The following CEP128 variants were observed in gnomAD, a reference collection of about 807,000 sequenced individuals.
CEP128 encodes centrosomal protein 128kDa.
In CEP128, 132 loss-of-function variants were observed where a neutral mutation model predicts 156.7. The observed-to-expected ratio is 0.84, with a 90% CI of 0.73 to 0.97. The LOEUF (loss-of-function observed/expected upper bound fraction) is 0.97, where lower values mean the gene tolerates loss of function less well. Among genes scored for constraint, CEP128 ranks in the 50% least tolerant of loss-of-function variants. The pLI, the probability that CEP128 is intolerant of heterozygous loss-of-function variation, is 0.00. For synonymous variants in CEP128, 469 were observed against 448.9 expected, an observed-to-expected ratio of 1.04 and a Z score of -0.57; for missense variants, 1,252 against 1,281.9, an observed-to-expected ratio of 0.98 and a Z score of 0.36.
intron 19 of CEP128, among the ~76,000 whole-genome samples, chr14:80,653,930 T>G: frequency 6.6e-6 from 1 of 152,090 alleles, no homozygotes; most frequent in East Asian, 1.9e-4. Flanking sequence ...TTCATGAAAC[T>G]TTTGGGTCAG....
At chr14:80,885,633 T>A (rs767646774) in intron 8 of CEP128, among the ~76,000 whole-genome samples, 1 of 152,020 alleles carries the variant, frequency 6.6e-6, no homozygotes, top group Non-Finnish European at 1.5e-5. Context: ...GCCATCAGCA[T>A]CAAAGATCAA....
chr14:80,860,676 C>A (rs1227145332), intron 9 of CEP128, among the ~76,000 whole-genome samples: 2 of 151,706 alleles, frequency 1.3e-5, no homozygotes, highest in Non-Finnish European at 2.9e-5. Context: ...AACATATCCT[C>A]TTCAAAGTAA....
chr14:80,895,796 AAG>A lies in CEP128; in HGVS notation c.573-8_573-7del. 1.4e-6 allele frequency: 2 copies of A among 1,459,964 alleles called. No individual in the cohort carries two copies. Among genetic ancestry groups the A allele is most frequent in the Non-Finnish European group, 1.8e-6 (2 of 1,114,788 alleles). The allele number at this position is 1,459,964 out of a possible 1,614,324, so 90.4% of individuals were successfully genotyped here. On this transcript the variant is annotated splice_region_variant and splice_polypyrimidine_tract_variant and intron_variant, in intron 7 of 24. Coordinates refer to ENST00000555265, the MANE Select transcript of CEP128 (RefSeq NM_152446.5). ...TTTTTGTTTCGGCATCTGACCTAGG[AAG>A]AAAAAAAAAAAAAAGATTTAAATTT...
intron 19 of CEP128, among the ~76,000 whole-genome samples, chr14:80,620,111 G>A (rs1012731227): frequency 2.0e-5 from 3 of 152,070 alleles, no homozygotes; most frequent in African/African-American, 7.2e-5. Context: ...GATGACAAGA[G>A]CAAAACTCCG....
intron 6 of CEP128, among the ~76,000 whole-genome samples, chr14:80,903,409 T>C (rs886224557): frequency 6.6e-6 from 1 of 151,936 alleles, no homozygotes; most frequent in Non-Finnish European, 1.5e-5. Flanking sequence ...GAAGAAAACA[T>C]AGGCAAAAAG....
intron 23 of CEP128, among the ~76,000 whole-genome samples, chr14:80,518,966 T>C (rs1280571088): frequency 1.3e-5 from 2 of 152,250 alleles, no homozygotes; most frequent in Non-Finnish European, 2.9e-5. Context: ...AATTAATTTG[T>C]GGAACTTCTA....
intron 13 of CEP128, among the ~76,000 whole-genome samples, chr14:80,827,040 C>T: frequency 6.6e-6 from 1 of 152,042 alleles, no homozygotes; most frequent in South Asian, 2.1e-4. Flanking sequence ...AATGTAGCTT[C>T]CTTCCATTGT....
chr14:80,849,597 T>C (rs934254497), intron 9 of CEP128, among the ~76,000 whole-genome samples: 5 of 152,190 alleles, frequency 3.3e-5, no homozygotes, highest in African/African-American at 1.2e-4. Context: ...TTTTCATTTT[T>C]TGAGCAATGA....
At chr14:80,868,725 T>C (rs1887890472) in intron 8 of CEP128, among the ~76,000 whole-genome samples, 1 of 152,006 alleles carries the variant, frequency 6.6e-6, no homozygotes, top group South Asian at 2.1e-4. Context: ...CTTTTTCTAA[T>C]GACCCAACTG....
At chr14:80,707,157 T>C (rs1566868579) in intron 19 of CEP128, among the ~76,000 whole-genome samples, 1 of 152,202 alleles carries the variant, frequency 6.6e-6, no homozygotes, top group Non-Finnish European at 1.5e-5. Context: ...TTTAAAATCA[T>C]ATTCTAGACA....
intron 14 of CEP128, among the ~76,000 whole-genome samples, chr14:80,478,801 T>C (rs1387263802): frequency 1.3e-5 from 2 of 152,354 alleles, no homozygotes; most frequent in South Asian, 2.1e-4. Context: ...TAACAATATA[T>C]CTCTTTCTAT....
At chr14:80,758,576 C>A (rs1306391299) in intron 17 of CEP128, among the ~76,000 whole-genome samples, 2 of 149,536 alleles carry the variant, frequency 1.3e-5, no homozygotes, top group Non-Finnish European at 3.0e-5. Context: ...GTGTCTGGGA[C>A]AGAGAACACA....
At chr14:80,735,908 A>G (rs1179267240) in intron 19 of CEP128, among the ~76,000 whole-genome samples, 1 of 152,104 alleles carries the variant, frequency 6.6e-6, no homozygotes, top group Non-Finnish European at 1.5e-5. Flanking sequence ...TTCACTTTTA[A>G]GGACCACGTG....
intron 13 of CEP128, among the ~76,000 whole-genome samples, chr14:80,800,930 T>G (rs1566635579): frequency 1.3e-5 from 2 of 151,878 alleles, no homozygotes; most frequent in Non-Finnish European, 2.9e-5. Flanking sequence ...AGAAGAGAAA[T>G]GAAACATGAG....
At chr14:80,643,735 TAC>T (rs10569053) in intron 19 of CEP128, among the ~76,000 whole-genome samples, 130,145 of 151,640 alleles carry the variant, frequency 0.86, 55,923 homozygotes, top group African/African-American at 0.88. Context: ...GTACATGGAA[TAC>T]ACACAGCAAT....
chr14:80,944,822 C>CAAAAAAAAAAAAAAAAAA (rs55662141), upstream of CEP128, among the ~76,000 whole-genome samples: 2 of 34,660 alleles, frequency 5.8e-5, no homozygotes, highest in Non-Finnish European at 1.2e-4. Flanking sequence ...GAGTCTGTCT[C>CAAAAAAAAAAAAAAAAAA]AAAAAAAAAA....
intron 21 of CEP128, among the ~76,000 whole-genome samples, chr14:80,543,207 T>G (rs1334333636): frequency 6.6e-6 from 1 of 152,234 alleles, no homozygotes; most frequent in Non-Finnish European, 1.5e-5. Context: ...TCATAATTAA[T>G]CCTTTTTTGA....
chr14:80,714,587 C>T (rs1384143891), intron 19 of CEP128, among the ~76,000 whole-genome samples: 1 of 152,048 alleles, frequency 6.6e-6, no homozygotes, highest in African/African-American at 2.4e-5. Context: ...CAGACAAGAA[C>T]GGATCTAGAA....
intron 24 of CEP128, 94 bp downstream of exon 24, chr14:80,504,818 T>C: frequency 2.1e-6 from 1 of 475,634 alleles, no homozygotes; most frequent in South Asian, 4.4e-5. Context: ...GACTTATGAA[T>C]ATTACTATCA....
Sources: allele counts gnomAD v4.1 joint callset (sites outside exome capture counted in the v4.1 genomes callset), GRCh38; gene constraint gnomAD v4.1.1; transcripts MANE v1.5; gene names NCBI Gene and HGNC (gene_info 2026-07-23, HGNC 2026-07-21).